OGDHL: variants seen among roughly 807,000 people sequenced by gnomAD.
OGDHL encodes oxoglutarate dehydrogenase L.
In OGDHL, 79 loss-of-function variants were observed where a neutral mutation model predicts 109.6. The ratio of observed to expected loss-of-function variants is 0.72; its 90% CI spans 0.60 to 0.87. The LOEUF is 0.87. Ranked by LOEUF, OGDHL falls within the 40% of genes least tolerant of loss-of-function variation. The pLI is 0.00. For synonymous variants in OGDHL, 528 were observed against 537.2 expected (o/e 0.98, Z 0.24); for missense variants, 1,275 against 1,362.2 (o/e 0.94, Z 1.01).
chr10:49,759,597 C>T (rs1843144638), intron 1 of OGDHL, among the ~76,000 whole-genome samples: 1 of 152,148 alleles, frequency 6.6e-6, no homozygotes, highest in African/African-American at 2.4e-5. Context: ...ATAGGGCCTA[C>T]TGAGGTCCCA....
chr10:49,744,881 G>T, intron 12 of OGDHL, 129 bp from the exon 13 acceptor site: 1 of 729,364 alleles, frequency 1.4e-6, no homozygotes, highest in East Asian at 2.6e-5. Context: ...CTGGCCTATA[G>T]GGACCTCATG....
intron 20 of OGDHL, 114 bp from the exon 21 acceptor site, chr10:49,736,634 T>G (rs1367868656): frequency 4.2e-6 from 5 of 1,176,858 alleles, no homozygotes; most frequent in Admixed American, 2.6e-5. Flanking sequence ...ACTGCAGGTT[T>G]GGACTTGTGG....
chr10:49,745,583 G>C (rs746410299), intron 11 of OGDHL, 87 bp from the exon 12 acceptor site: 7 of 1,545,974 alleles, frequency 4.5e-6, no homozygotes, highest in Non-Finnish European at 6.2e-6. Context: ...ATCTGGGTAG[G>C]GCACACCCAC....
rs750355746 is a variant in OGDHL at position 49,750,927 on chromosome 10, A to G, written c.808T>C (p.Cys270Arg). 3.1e-6 allele frequency: 5 copies of G among 1,612,132 alleles called. No homozygotes were observed. The highest frequency in any genetic ancestry group is 4.2e-6 in the Non-Finnish European group (5 of 1,179,004). ...SSEKRFGLEG[C>R]EVMIPALKTI... Reference sequence around the variant, plus strand: ...TTGAGGGCAGGAATCATCACTTCACAGCCCTCCAGGCCAAACCGCTTCTCT... The same window carrying G: ...TTGAGGGCAGGAATCATCACTTCACGGCCCTCCAGGCCAAACCGCTTCTCT... Residue 270 changes from cysteine to arginine, a missense_variant, in exon 7 of 23, where the codon TGT becomes CGT. By Grantham distance (180) the Cys-to-Arg change is radical. Coordinates refer to ENST00000374103, the MANE Select transcript of OGDHL (RefSeq NM_018245.3).
chr10:49,746,679 C>T (rs2133035253), intron 10 of OGDHL, 71 bp downstream of exon 10: 1 of 1,581,484 alleles, frequency 6.3e-7, no homozygotes. Flanking sequence ...TCTCACTTTC[C>T]CCGCAAGCTA....
chr10:49,744,809 C>T (rs1842058160), intron 12 of OGDHL, 57 bp from the exon 13 acceptor site: 1 of 1,384,514 alleles, frequency 7.2e-7, no homozygotes, highest in South Asian at 1.2e-5. Context: ...GCCAGACGCC[C>T]AGTCCACTTG....
intron 6 of OGDHL, among the ~76,000 whole-genome samples, chr10:49,751,413 A>C (rs1277909391): frequency 6.7e-5 from 10 of 150,006 alleles, no homozygotes; most frequent in Admixed American, 2.0e-4. Context: ...TCCACTTTGC[A>C]TCCAGCAGCT....
chr10:49,756,715 T>C (rs2889728), intron 3 of OGDHL, 61 bp downstream of exon 3: 315,324 of 1,502,440 alleles, frequency 0.21, 35,782 homozygotes, highest in African/African-American at 0.38. Context: ...TTCCCTTCAG[T>C]GCCTGGCCAC....
chr10:49,741,649 A>C (rs925734820), intron 15 of OGDHL, among the ~76,000 whole-genome samples: 29 of 150,972 alleles, frequency 1.9e-4, no homozygotes, highest in African/African-American at 6.8e-4. Flanking sequence ...CACACACACC[A>C]CACACATACA....
rs1842513403 is a variant in OGDHL at position 49,750,526 on chromosome 10, T to C, written c.896+313A>G. The stretch of plus-strand genomic sequence containing the variant: ...TGGAAGAAATCCCTCCACCTCTCCT[T>C]GTCCACAGGAACCTCAAGAAGTATA... On this transcript the variant is annotated intron_variant, in intron 7 of 22. Coordinates refer to ENST00000374103, the MANE Select transcript of OGDHL (RefSeq NM_018245.3). Among the ~76,000 whole-genome samples the C allele has an allele frequency of 2.0e-5, 3 of 152,192 alleles. 1 individual carries two copies. The South Asian group carries it at 6.2e-4, about 32-fold the overall frequency.
chr10:49,748,516 A>T (rs1842355109), intron 8 of OGDHL, among the ~76,000 whole-genome samples: 1 of 152,106 alleles, frequency 6.6e-6, no homozygotes, highest in Middle Eastern at 3.2e-3. Context: ...CAATGATCAA[A>T]TTTCTTTTTC....
Position 49,752,244 on chromosome 10 carries a change from G to A in OGDHL, c.483C>T (p.Phe161=). The A allele has an allele frequency of 6.2e-7, 1 of 1,613,204 alleles. No individual in the cohort carries two copies. Among genetic ancestry groups the A allele is most frequent in the Non-Finnish European group, 8.5e-7 (1 of 1,179,428 alleles). ...CAAGGTCAGCCTCCTGAAGGTCATA[G>A]AAGGCTGGAGAAGGAGGCGTGGCCG... is the stretch of plus-strand genomic sequence containing the variant. ...DLITTIDKLA[F]YDLQEADLDK... is the part of the protein sequence containing the mutation. Residue 161 remains phenylalanine (F), a synonymous_variant, in exon 5 of 23, where the codon TTC becomes TTT. Coordinates refer to ENST00000374103, the MANE Select transcript of OGDHL (RefSeq NM_018245.3).
At chr10:49,759,264 C>T (rs1347686344) in intron 1 of OGDHL, among the ~76,000 whole-genome samples, 1 of 151,986 alleles carries the variant, frequency 6.6e-6, no homozygotes, top group Non-Finnish European at 1.5e-5. Flanking sequence ...AACAATAGCC[C>T]CACTTCATTG....
chr10:49,760,889 C>T (rs1028146335), intron 1 of OGDHL, among the ~76,000 whole-genome samples: 2 of 152,258 alleles, frequency 1.3e-5, no homozygotes, highest in Non-Finnish European at 2.9e-5. Context: ...CCACTCCCAC[C>T]CCCACAGGGG....
intron 1 of OGDHL, among the ~76,000 whole-genome samples, chr10:49,759,039 C>T (rs1843099775): frequency 6.6e-6 from 1 of 151,974 alleles, no homozygotes; most frequent in Admixed American, 6.6e-5. Context: ...AGGCAGTCCT[C>T]CAGGGGTCAG....
Position 49,762,291 on chromosome 10 carries a change from G to C in OGDHL, c.-54C>G, listed in dbSNP as rs1470110212. 2 of 152,114 alleles carry C rather than the reference G, an allele frequency of 1.3e-5. No individual in the cohort carries two copies. Among genetic ancestry groups the C allele is most frequent in the Non-Finnish European group, 2.9e-5 (2 of 68,010 alleles). 9.4% of individuals were successfully genotyped at this position (152,114 alleles called of 1,614,324 possible). On this transcript the variant is annotated 5_prime_UTR_variant, in exon 1 of 23. Transcript: ENST00000374103. ...AGCGAGGTCCGGAGGCTGCAGGTCA[G>C]GGGGCTGCGCGGAAGGGGTGCGCGC...
chr10:49,742,798 T>C, intron 15 of OGDHL, 30 bp downstream of exon 15: 3 of 1,600,916 alleles, frequency 1.9e-6, no homozygotes, highest in East Asian at 2.2e-5. Context: ...CCAGGTCTCC[T>C]GTGCGGATGC....
At chr10:49,752,080 G>C (rs1177019632) in intron 5 of OGDHL, 53 bp downstream of exon 5, 1 of 1,607,770 alleles carries the variant, frequency 6.2e-7, no homozygotes, top group Non-Finnish European at 8.5e-7. Flanking sequence ...CCGTCCTCTG[G>C]CAAGCTCCAA....
At position 49,748,824 on chromosome 10, in the gene OGDHL, G is replaced by A. The variant is rs148646161; in HGVS notation, c.987+902C>T. ...AGACAGCAGGAGAGATAGTCCTGAG[G>A]GCAAAGGGACACAGAGGAGGGAGTG... On this transcript the variant is annotated intron_variant, in intron 8 of 22. Transcript: ENST00000374103. 3.2e-3 allele frequency among the ~76,000 whole-genome samples: 480 copies of A among 151,610 alleles called. 5 individuals are homozygous for A. Among genetic ancestry groups the A allele is most frequent in the African/African-American group, 0.011 (437 of 41,250 alleles).
Sources: allele counts gnomAD v4.1 joint callset (sites outside exome capture counted in the v4.1 genomes callset), GRCh38; gene constraint gnomAD v4.1.1; transcripts MANE v1.5; gene names NCBI Gene and HGNC (gene_info 2026-07-23, HGNC 2026-07-21).